SLC2A5: variants seen among roughly 807,000 people sequenced by gnomAD.
SLC2A5 encodes solute carrier family 2 member 5.
SLC2A5 carries 56 observed loss-of-function variants against 50.3 expected under a neutral mutation model. The observed-to-expected ratio is 1.11, with a 90% CI of 0.90 to 1.39. The LOEUF is 1.39. SLC2A5 is among the 40% of genes most tolerant of loss of function. The pLI, the probability that SLC2A5 is intolerant of heterozygous loss-of-function variation, is 0.00. For synonymous variants in SLC2A5, 269 were observed against 281.9 expected, an observed-to-expected ratio of 0.95 and a Z score of 0.46; for missense variants, 566 against 650.1, an observed-to-expected ratio of 0.87 and a Z score of 1.41.
chr1:9,090,111 C>A (rs916623743), upstream of SLC2A5, among the ~76,000 whole-genome samples: 1 of 152,068 alleles, frequency 6.6e-6, no homozygotes, highest in Non-Finnish European at 1.5e-5. Context: ...TTTGGTCATT[C>A]CTCACTGTCC....
chr1:9,039,487 G>A, intron 8 of SLC2A5, 65 bp downstream of exon 8: 2 of 1,239,182 alleles, frequency 1.6e-6, no homozygotes, highest in Non-Finnish European at 2.2e-6. Flanking sequence ...TGGCGGCGCC[G>A]AGGCTGGGGC....
upstream of SLC2A5, chr1:9,069,788 G>A: frequency 1.8e-6 from 1 of 545,902 alleles, no homozygotes; most frequent in East Asian, 3.2e-5. Context: ...GCCCAGCATT[G>A]TCCTGATGGA....
At chr1:9,068,062 T>C (rs889602823) in intron 1 of SLC2A5, among the ~76,000 whole-genome samples, 21 of 151,578 alleles carry the variant, frequency 1.4e-4, no homozygotes, top group South Asian at 2.1e-4. Flanking sequence ...TGGTGGTGCA[T>C]GCCTGTAATC....
In SLC2A5 at chr1:9,047,590, T is replaced by G. The variant is rs2124352259; in HGVS notation, c.418+20A>C. ...CTTGACGACCCTCACAGAATGGCAA[T>G]ACAGCATAGCATTGTTTACCTGCAC... On this transcript the variant is annotated intron_variant, in intron 4 of 11. Coordinates refer to ENST00000377424, the MANE Select transcript of SLC2A5 (RefSeq NM_003039.3). 2.5e-6 allele frequency: 4 copies of G among 1,611,288 alleles called. No homozygotes were observed.
At chr1:9,072,948 C>G (rs532679744), upstream of SLC2A5, 1 of 150,798 alleles carries the variant, frequency 6.6e-6, no homozygotes, top group Non-Finnish European at 1.5e-5. Flanking sequence ...GGTGACAGAG[C>G]GAGACTCTTG....
chr1:9,060,242 C>CCCA (rs1553170330), intron 1 of SLC2A5, among the ~76,000 whole-genome samples: 4,272 of 119,760 alleles, frequency 0.036, 172 homozygotes, highest in African/African-American at 0.091. Context: ...CACACACCCC[C>CCCA]CATGTACACA....
intron 1 of SLC2A5, among the ~76,000 whole-genome samples, chr1:9,060,145 T>TACACACTACATATTAC (rs1553170305): frequency 7.4e-6 from 1 of 134,996 alleles, no homozygotes; most frequent in Non-Finnish European, 1.6e-5. Flanking sequence ...ACACACTACA[T>TACACACTACATATTAC]ACACACTACA....
At chr1:9,091,814 T>G (rs1014156333), upstream of SLC2A5, among the ~76,000 whole-genome samples, 2 of 152,170 alleles carry the variant, frequency 1.3e-5, no homozygotes, top group African/African-American at 2.4e-5. Flanking sequence ...GGTATCATGA[T>G]AATATCCACT....
At chr1:9,058,398 C>G in intron 1 of SLC2A5, 148 bp from the exon 2 acceptor site, 1 of 633,892 alleles carries the variant, frequency 1.6e-6, no homozygotes. Context: ...CTCAACCCAC[C>G]TTGGGTTACA....
intron 3 of SLC2A5, among the ~76,000 whole-genome samples, chr1:9,054,595 C>A (rs982040295): frequency 6.6e-6 from 1 of 152,100 alleles, no homozygotes; most frequent in Non-Finnish European, 1.5e-5. Flanking sequence ...AACACCAGAT[C>A]TATCTGGAAG....
chr1:9,090,095 C>T (rs1193745265), upstream of SLC2A5, among the ~76,000 whole-genome samples: 1 of 152,158 alleles, frequency 6.6e-6, no homozygotes, highest in African/African-American at 2.4e-5. Flanking sequence ...GTCACCCTCA[C>T]TCTTTTTTGG....
At chr1:9,078,730 C>T (rs1642319659) in intron 2 of SLC2A5, among the ~76,000 whole-genome samples, 1 of 152,186 alleles carries the variant, frequency 6.6e-6, no homozygotes, top group Non-Finnish European at 1.5e-5. Flanking sequence ...AGGCAGCTAT[C>T]AGGAACAAAG....
At chr1:9,073,948 C>T (rs963874638), upstream of SLC2A5, among the ~76,000 whole-genome samples, 4 of 152,100 alleles carry the variant, frequency 2.6e-5, no homozygotes, top group African/African-American at 7.2e-5. Context: ...GGCTTGGTGG[C>T]GGGAGCCCGT....
At chr1:9,071,397 G>A (rs3004253), upstream of SLC2A5, among the ~76,000 whole-genome samples, 4,697 of 152,164 alleles carry the variant, frequency 0.031, 232 homozygotes, top group African/African-American at 0.11. Flanking sequence ...GCGACAGAGC[G>A]AGACTCATCT....
chr1:9,040,250 G>A lies in SLC2A5; in HGVS notation c.572-61C>T. 6.6e-7 allele frequency: 1 copy of A among 1,519,712 alleles called. No homozygotes were observed. Among genetic ancestry groups the A allele is most frequent in the Non-Finnish European group, 8.8e-7 (1 of 1,138,648 alleles). 94.1% of individuals were successfully genotyped at this position (1,519,712 alleles called of 1,614,324 possible). On this transcript the variant is annotated intron_variant, in intron 5 of 11. Coordinates refer to ENST00000377424, the MANE Select transcript of SLC2A5 (RefSeq NM_003039.3). This position sits in a 1 kb window ranked among gnomAD's most constrained non-coding sequence, Gnocchi z 4.3. Reference sequence around the variant, plus strand: ...CCCCACCACCCCGAAGGCGCCCTCTGCAGAGCCGGCCCCAGCCCCGTCATC... The same window carrying A: ...CCCCACCACCCCGAAGGCGCCCTCTACAGAGCCGGCCCCAGCCCCGTCATC...
chr1:9,077,553 C>G (rs1642300878), intron 2 of SLC2A5, among the ~76,000 whole-genome samples: 1 of 148,562 alleles, frequency 6.7e-6, no homozygotes, highest in Admixed American at 6.7e-5. Context: ...CCAGCCTGGC[C>G]AACATAGTGA....
chr1:9,056,237 G>A (rs1641746690), intron 3 of SLC2A5, among the ~76,000 whole-genome samples: 1 of 152,128 alleles, frequency 6.6e-6, no homozygotes, highest in South Asian at 2.1e-4. Flanking sequence ...CCAGGCTGGA[G>A]TGCGATGGTG....
intron 4 of SLC2A5, among the ~76,000 whole-genome samples, chr1:9,042,421 G>T (rs1412180180): frequency 1.3e-5 from 2 of 151,992 alleles, no homozygotes; most frequent in East Asian, 3.9e-4. Context: ...GTGTGTGTGT[G>T]TGTGCGCGCG....
intron 2 of SLC2A5, among the ~76,000 whole-genome samples, chr1:9,080,533 G>A (rs925783220): frequency 3.3e-5 from 5 of 152,192 alleles, no homozygotes; most frequent in Non-Finnish European, 5.9e-5. Flanking sequence ...CATCCTAACA[G>A]GTGTGAGGTG....
Sources: gnomAD v4.1 joint callset for allele counts (sites outside exome capture counted in the v4.1 genomes callset) on GRCh38, gnomAD v4.1.1 for gene constraint, Gnocchi (gnomAD v3.1) non-coding constraint, MANE v1.5 for transcripts, NCBI Gene and HGNC (gene_info 2026-07-23, HGNC 2026-07-21) for gene names.